The following PTCRA variants were observed in gnomAD, a reference collection of about 807,000 sequenced individuals.
PTCRA encodes the protein pre T-cell antigen receptor alpha.
A neutral mutation model predicts 13.4 loss-of-function variants in PTCRA; 9 were observed. The ratio of observed to expected loss-of-function variants is 0.67; its 90% CI spans 0.41 to 1.18. The LOEUF (loss-of-function observed/expected upper bound fraction) is 1.18. Among genes scored for constraint, PTCRA ranks in the 50% most tolerant of loss-of-function variants. PTCRA has a pLI of 0.01. For synonymous variants in PTCRA, 153 were observed against 161.9 expected (o/e 0.94, Z 0.42); for missense variants, 353 against 359.8 (o/e 0.98, Z 0.15).
At chr6:42,924,111 A>C (rs1179577344) in intron 2 of PTCRA, 118 bp from the exon 3 acceptor site, 2 of 843,868 alleles carry the variant, frequency 2.4e-6, no homozygotes, top group Non-Finnish European at 3.7e-6. Flanking sequence ...TCACTTGTCC[A>C]TTTACCCCAA....
At chr6:42,918,890 C>T (rs1007791679) in intron 1 of PTCRA, among the ~76,000 whole-genome samples, 3 of 150,738 alleles carry the variant, frequency 2.0e-5, no homozygotes, top group East Asian at 3.9e-4. Flanking sequence ...CCCGGGTTCA[C>T]GCCATTCTCC....
intron 1 of PTCRA, among the ~76,000 whole-genome samples, chr6:42,917,229 T>TTATTATTA (rs879847725): frequency 1.6e-3 from 224 of 137,314 alleles, no homozygotes; most frequent in African/African-American, 5.8e-3. Flanking sequence ...ATTATTATTA[T>TTATTATTA]TATTTATTTT....
At chr6:42,916,155 G>C in intron 1 of PTCRA, 28 bp downstream of exon 1, 1 of 1,610,118 alleles carries the variant, frequency 6.2e-7, no homozygotes, top group Non-Finnish European at 8.5e-7. Context: ...CTTCCTCTCT[G>C]TCCCTCCTCA....
chr6:42,925,095 T>G lies in PTCRA; in HGVS notation c.425-166T>G. 1.1e-6 allele frequency: 1 copy of G among 870,128 alleles called. No homozygotes were observed. Among genetic ancestry groups the G allele is most frequent in the Non-Finnish European group, 1.7e-6 (1 of 584,796 alleles). The allele number at this position is 870,128 out of a possible 1,614,324, so 53.9% of individuals were successfully genotyped here. On this transcript the variant is annotated intron_variant, in intron 3 of 3. Transcript: ENST00000304672. The surrounding 1 kb of genome is among the most constrained non-coding windows in gnomAD (Gnocchi z 4.4). ...AAATAAAATGAAGGCCAGGAAGGTA[T>G]GTATTATTACCAGTAAGAACGGAGG...
Position 42,923,022 on chromosome 6 carries a change from T to A in PTCRA, c.59-5T>A. The A allele has an allele frequency of 6.2e-7, 1 of 1,613,908 alleles. No homozygotes were observed. Among genetic ancestry groups the A allele is most frequent in the Non-Finnish European group, 8.5e-7 (1 of 1,179,864 alleles). On this transcript the variant is annotated splice_region_variant and splice_polypyrimidine_tract_variant and intron_variant, in intron 1 of 3. Transcript: ENST00000304672. ...TAGCACCCACAGGTACATGCTCTCT[T>A]GCAGGTGTGGGCGGCACACCCTTTC... is the stretch of plus-strand genomic sequence containing the variant.
Position 42,925,473 on chromosome 6 carries a change from C to A in PTCRA, c.637C>A (p.Pro213Thr), listed in dbSNP as rs764045039. The change falls in exon 4 of 4, where the codon CCC becomes ACC. Residue 213 changes from proline (P) to threonine (T), a missense_variant. Physicochemically the swap from Pro to Thr is conservative, Grantham distance 38. Transcript: ENST00000304672. This position sits in a 1 kb window ranked among gnomAD's most constrained non-coding sequence, Gnocchi z 4.4. ...GGREATSSPR[P>T]QPRDRRWGDT... ...ACGAGAGGCCACCAGCTCACCCAGACCCCAGCCTCGGGACCGCCGCTGGGG... is the reference window on the plus strand; with the variant it reads ...ACGAGAGGCCACCAGCTCACCCAGAACCCAGCCTCGGGACCGCCGCTGGGG... 7.1e-6 allele frequency: 11 copies of A among 1,557,126 alleles called. No homozygotes were observed. Among genetic ancestry groups the A allele is most frequent in the African/African-American group, 2.7e-5 (2 of 73,354 alleles).
chr6:42,923,705 G>A (rs1404508975), intron 2 of PTCRA, among the ~76,000 whole-genome samples: 1 of 152,156 alleles, frequency 6.6e-6, no homozygotes, highest in East Asian at 1.9e-4. Flanking sequence ...TGTTTACTCT[G>A]TTCCAGGCAG....
chr6:42,922,614 C>A (rs1375491401), intron 1 of PTCRA, among the ~76,000 whole-genome samples: 6 of 151,842 alleles, frequency 4.0e-5, no homozygotes, highest in African/African-American at 1.5e-4. Context: ...GTGGCGGGCA[C>A]CTGTAGTCCC....
At chr6:42,919,153 G>A (rs1483643341) in intron 1 of PTCRA, among the ~76,000 whole-genome samples, 4 of 151,066 alleles carry the variant, frequency 2.6e-5, no homozygotes, top group African/African-American at 7.3e-5. Context: ...GTGCCACCAC[G>A]CCCGGCTAAT....
At chr6:42,919,641 C>T (rs930430464) in intron 1 of PTCRA, among the ~76,000 whole-genome samples, 5 of 148,602 alleles carry the variant, frequency 3.4e-5, no homozygotes, top group South Asian at 2.2e-4. Flanking sequence ...TGCCTGAACC[C>T]GGGTGGTCAA....
rs1308927724 is a variant in PTCRA, at chr6:42,925,388, C to T, written c.552C>T (p.Thr184=). Residue 184 remains threonine, a synonymous_variant, in exon 4 of 4, where the codon ACC becomes ACT. Coordinates refer to ENST00000304672, the MANE Select transcript of PTCRA (RefSeq NM_138296.3). This position sits in a 1 kb window ranked among gnomAD's most constrained non-coding sequence, Gnocchi z 4.4. ...DPAGPLPSPA[T]TTRLRALGSH... is the part of the protein sequence containing the mutation. ...CGGGCCCGCTGCCTTCCCCCGCAAC[C>T]ACCACCCGCCTGCGAGCCCTCGGCT... is the stretch of plus-strand genomic sequence containing the variant. 6.4e-7 allele frequency: 1 copy of T among 1,554,060 alleles called. No homozygotes were observed. The highest frequency in any genetic ancestry group is 1.4e-5 in the African/African-American group (1 of 73,326).
rs1189531453 is a variant in PTCRA at position 42,925,447 on chromosome 6, G to A, written c.611G>A (p.Gly204Glu). Residue 204 changes from glycine (G) to glutamate (E), a missense_variant, in exon 4 of 4, where the codon GGA becomes GAA. Physicochemically the swap from Gly to Glu is moderately conservative, Grantham distance 98. Coordinates refer to ENST00000304672, the MANE Select transcript of PTCRA (RefSeq NM_138296.3). The surrounding 1 kb of genome is among the most constrained non-coding windows in gnomAD (Gnocchi z 4.4). The part of the protein sequence containing the change: ...HRLHPATETG[G>E]REATSSPRPQ... Reference sequence around the variant, plus strand: ...CTGCACCCGGCCACGGAGACTGGGGGACGAGAGGCCACCAGCTCACCCAGA... The same window carrying A: ...CTGCACCCGGCCACGGAGACTGGGGAACGAGAGGCCACCAGCTCACCCAGA... 1.3e-6 allele frequency: 2 copies of A among 1,555,428 alleles called. No individual in the cohort carries two copies. Among genetic ancestry groups the A allele is most frequent in the South Asian group, 1.2e-5 (1 of 84,636 alleles).
At chr6:42,917,413 G>A (rs190928632) in intron 1 of PTCRA, among the ~76,000 whole-genome samples, 25 of 147,932 alleles carry the variant, frequency 1.7e-4, no homozygotes, top group Admixed American at 1.6e-3. Flanking sequence ...TAGTACAGAC[G>A]GAGTTTCACT....
chr6:42,925,271 T>G lies in PTCRA; in HGVS notation c.435T>G (p.Gly145=). The change falls in exon 4 of 4, where the codon GGT becomes GGG. Residue 145 remains glycine (G), a synonymous_variant. Transcript: ENST00000304672. The surrounding 1 kb of genome is among the most constrained non-coding windows in gnomAD (Gnocchi z 4.4). ...CPQEPLRGTP[G]GALWLGVLRL... ...GGTTCCTCCTCGCAGGGACACCGGG[T>G]GGGGCGCTGTGGCTGGGGGTCCTGC... 3 of 1,588,916 alleles carry G rather than the reference T, an allele frequency of 1.9e-6. No individual in the cohort carries two copies. The highest frequency in any genetic ancestry group is 2.6e-6 in the Non-Finnish European group (3 of 1,174,962).
In PTCRA at chr6:42,923,009, G is replaced by C; in HGVS notation, c.59-18G>C. 6.2e-7 allele frequency: 1 copy of C among 1,613,236 alleles called. No individual in the cohort carries two copies. The highest frequency in any genetic ancestry group is 8.5e-7 in the Non-Finnish European group (1 of 1,179,324). ...CCAAAAGCTGGTCTAGCACCCACAG[G>C]TACATGCTCTCTTGCAGGTGTGGGC... On this transcript the variant is annotated intron_variant, in intron 1 of 3. Coordinates refer to ENST00000304672, the MANE Select transcript of PTCRA (RefSeq NM_138296.3).
chr6:42,925,289 G>A lies in PTCRA; in HGVS notation c.453G>A (p.Gly151=), dbSNP rs1425152972. ...CACCGGGTGGGGCGCTGTGGCTGGGGGTCCTGCGGCTGCTGCTCTTCAAGC... is the reference window on the plus strand; with the variant it reads ...CACCGGGTGGGGCGCTGTGGCTGGGAGTCCTGCGGCTGCTGCTCTTCAAGC... ...RGTPGGALWL[G]VLRLLLFKLL... The change falls in exon 4 of 4, where the codon GGG becomes GGA. Residue 151 remains glycine (G), a synonymous_variant. Transcript: ENST00000304672. The surrounding 1 kb of genome is among the most constrained non-coding windows in gnomAD (Gnocchi z 4.4). 3.1e-6 allele frequency: 5 copies of A among 1,590,678 alleles called. No homozygotes were observed. Among genetic ancestry groups the A allele is most frequent in the Non-Finnish European group, 1.7e-6 (2 of 1,175,684 alleles).
intron 1 of PTCRA, among the ~76,000 whole-genome samples, chr6:42,917,858 T>C (rs1766952842): frequency 6.6e-6 from 1 of 151,624 alleles, no homozygotes. Context: ...CCTAACACCA[T>C]TATATTGATG....
At chr6:42,924,475 A>G in intron 3 of PTCRA, 1 of 627,324 alleles carries the variant, frequency 1.6e-6, no homozygotes, top group South Asian at 1.8e-5. Context: ...GAATCCTTTG[A>G]CCCCAGCCTA....
chr6:42,922,529 A>T (rs1324995375), intron 1 of PTCRA, among the ~76,000 whole-genome samples: 1 of 152,078 alleles, frequency 6.6e-6, no homozygotes, highest in East Asian at 1.9e-4. Context: ...CGGGTGGATC[A>T]CGAGGTCAGG....
Sources: allele counts gnomAD v4.1 joint callset (sites outside exome capture counted in the v4.1 genomes callset), GRCh38; gene constraint gnomAD v4.1.1; non-coding constraint Gnocchi (gnomAD v3.1); transcripts MANE v1.5; gene names NCBI Gene and HGNC (gene_info 2026-07-23, HGNC 2026-07-21).